C10orf88: variants seen among roughly 807,000 people sequenced by gnomAD.
C10orf88 encodes ATPase PAAT.
In C10orf88, 29 loss-of-function variants were observed where a neutral mutation model predicts 34.2. The ratio of observed to expected loss-of-function variants is 0.85; its 90% CI spans 0.63 to 1.16. The LOEUF (loss-of-function observed/expected upper bound fraction) is 1.16, where lower values mean the gene tolerates loss of function less well. Among genes scored for constraint, C10orf88 ranks in the 50% most tolerant of loss-of-function variants. The pLI, the probability that C10orf88 is intolerant of heterozygous loss-of-function variation, is 0.00. For missense variants in C10orf88, 507 were observed against 533.2 expected, an observed-to-expected ratio of 0.95 and a Z score of 0.48; for synonymous variants, 194 against 197.4, an observed-to-expected ratio of 0.98 and a Z score of 0.15.
chr10:122,936,696 C>T (rs1453779833), intron 5 of C10orf88, among the ~76,000 whole-genome samples: 1 of 151,802 alleles, frequency 6.6e-6, no homozygotes, highest in African/African-American at 2.4e-5. Context: ...TATTTTCATT[C>T]ATTTCTGTGT....
intron 4 of C10orf88, among the ~76,000 whole-genome samples, chr10:122,946,635 A>G (rs910131867): frequency 6.6e-6 from 1 of 152,200 alleles, no homozygotes; most frequent in Non-Finnish European, 1.5e-5. Flanking sequence ...TTAGTGAGAT[A>G]AACATGCAAC....
intron 3 of C10orf88, among the ~76,000 whole-genome samples, chr10:122,950,673 G>T (rs1168261112): frequency 2.6e-5 from 4 of 152,086 alleles, no homozygotes; most frequent in African/African-American, 9.7e-5. Context: ...CTTATTGTCT[G>T]TCTTGCCCAC....
intron 3 of C10orf88, among the ~76,000 whole-genome samples, chr10:122,951,558 A>T (rs1848689584): frequency 6.6e-6 from 1 of 151,730 alleles, no homozygotes; most frequent in Non-Finnish European, 1.5e-5. Flanking sequence ...CGGGTGAAAA[A>T]TTTAAAAAAA....
chr10:122,933,813 G>A (rs897117213), intron 5 of C10orf88, among the ~76,000 whole-genome samples: 1 of 152,046 alleles, frequency 6.6e-6, no homozygotes, highest in East Asian at 1.9e-4. Flanking sequence ...ACATGATAAT[G>A]CAGCCAAAAG....
At position 122,932,220 on chromosome 10, in the gene C10orf88, A is replaced by C. The variant is rs1848489518; in HGVS notation, c.*207T>G. 2 of 429,810 alleles carry C rather than the reference A, an allele frequency of 4.7e-6. No individual in the cohort carries two copies. Among genetic ancestry groups the C allele is most frequent in the Non-Finnish European group, 8.3e-6 (2 of 242,356 alleles). The allele number at this position is 429,810 out of a possible 1,614,324, so 26.6% of individuals were successfully genotyped here. On this transcript the variant is annotated 3_prime_UTR_variant, in exon 6 of 6. Transcript: ENST00000481909. ...TAAGACTGAAAAATATCGTGAGCAA[A>C]AATAATTTGACTGTATCATATTAAC...
In C10orf88 at chr10:122,932,634, G is replaced by A; in HGVS notation, c.1131C>T (p.Tyr377=). 1 of 1,611,702 alleles carries A rather than the reference G, an allele frequency of 6.2e-7. No homozygotes were observed. Residue 377 remains tyrosine (Y), a synonymous_variant, in exon 6 of 6, where the codon TAC becomes TAT. Coordinates refer to ENST00000481909, the MANE Select transcript of C10orf88 (RefSeq NM_024942.4). ...VGMEEQSICS[Y]LEKILSKNME... ...TATTTTTAGAAAGAATCTTTTCCAA[G>A]TAGGAGCAAATAGATTGCTCTTCCA... is the stretch of plus-strand genomic sequence containing the variant.
chr10:122,941,550 C>T (rs1848581584), intron 4 of C10orf88, among the ~76,000 whole-genome samples: 2 of 152,080 alleles, frequency 1.3e-5, no homozygotes, highest in African/African-American at 4.8e-5. Flanking sequence ...TTGATTTGGT[C>T]ATGAAACATT....
rs1848482908 is a variant in C10orf88, at chr10:122,931,250, C to T, written c.*1177G>A. Reference sequence around the variant, plus strand: ...TTTTTAAAGTCGTTTGGTCAGCTATCGTGGTTGTAACCAGTCTCCTCTGGA... The same window carrying T: ...TTTTTAAAGTCGTTTGGTCAGCTATTGTGGTTGTAACCAGTCTCCTCTGGA... On this transcript the variant is annotated 3_prime_UTR_variant, in exon 6 of 6. Coordinates refer to ENST00000481909, the MANE Select transcript of C10orf88 (RefSeq NM_024942.4). 6.6e-6 allele frequency: 1 copy of T among 152,076 alleles called. No individual in the cohort carries two copies. The highest frequency in any genetic ancestry group is 2.4e-5 in the African/African-American group (1 of 41,394). The allele number at this position is 152,076 out of a possible 1,614,324, so 9.4% of individuals were successfully genotyped here.
chr10:122,935,317 G>A (rs533504232), intron 5 of C10orf88, among the ~76,000 whole-genome samples: 1 of 152,072 alleles, frequency 6.6e-6, no homozygotes, highest in African/African-American at 2.4e-5. Context: ...GTAATTTTGT[G>A]TTAATTTTTG....
intron 3 of C10orf88, among the ~76,000 whole-genome samples, chr10:122,949,736 T>G (rs1848673148): frequency 6.6e-6 from 1 of 152,226 alleles, no homozygotes; most frequent in African/African-American, 2.4e-5. Flanking sequence ...AAAGGAGAAC[T>G]GCTATATACC....
At chr10:122,936,087 G>A (rs1371331064) in intron 5 of C10orf88, among the ~76,000 whole-genome samples, 1 of 151,702 alleles carries the variant, frequency 6.6e-6, no homozygotes, top group African/African-American at 2.4e-5. Flanking sequence ...TCTGGGCCTG[G>A]ATATTTCTTT....
chr10:122,938,952 T>G (rs918035265), intron 4 of C10orf88, among the ~76,000 whole-genome samples: 1 of 151,964 alleles, frequency 6.6e-6, no homozygotes, highest in Non-Finnish European at 1.5e-5. Flanking sequence ...CACTCTAAAT[T>G]CAAAACATAA....
chr10:122,951,966 A>T lies in C10orf88; in HGVS notation c.429T>A (p.Ala143=), dbSNP rs1320980596. 6.5e-7 allele frequency: 1 copy of T among 1,546,212 alleles called. No homozygotes were observed. Among genetic ancestry groups the T allele is most frequent in the Non-Finnish European group, 8.9e-7 (1 of 1,126,070 alleles). ...KNLKLESSTH[A]CKIKLLSFGE... is the part of the protein sequence containing the mutation. Reference sequence around the variant, plus strand: ...ACTGACAACTTACCTTTATTTTACAAGCATGTGTGGAGGACTCCAATTTTA... The same window carrying T: ...ACTGACAACTTACCTTTATTTTACATGCATGTGTGGAGGACTCCAATTTTA... Residue 143 remains alanine (A), a synonymous_variant, in exon 3 of 6, where the codon GCT becomes GCA. Transcript: ENST00000481909.
At chr10:122,934,445 G>A (rs1281217989) in intron 5 of C10orf88, among the ~76,000 whole-genome samples, 1 of 152,084 alleles carries the variant, frequency 6.6e-6, no homozygotes, top group African/African-American at 2.4e-5. Flanking sequence ...CATACAGTAT[G>A]TGACCTTTTG....
intron 4 of C10orf88, among the ~76,000 whole-genome samples, chr10:122,941,663 G>C (rs1054513886): frequency 3.9e-5 from 6 of 152,042 alleles, no homozygotes; most frequent in African/African-American, 1.4e-4. Flanking sequence ...TAGAGAACCA[G>C]GTACATCCTG....
Position 122,954,156 on chromosome 10 carries a change from C to T in C10orf88, c.23G>A (p.Gly8Glu). METRTED[G>E]GLTRRPTLAS... ...CAGCGTGGGGCGGCGGGTGAGGCCC[C>T]CGTCCTCGGTCCGCGTCTCCATTCC... Residue 8 changes from glycine to glutamate, a missense_variant, in exon 1 of 6, where the codon GGG becomes GAG. Transcript: ENST00000481909. 1.9e-6 allele frequency: 3 copies of T among 1,578,346 alleles called. No individual in the cohort carries two copies. The highest frequency in any genetic ancestry group is 1.1e-5 in the South Asian group (1 of 87,116).
rs111800496 is a variant in C10orf88, at chr10:122,949,194, G to C, written c.442-339C>G. On this transcript the variant is annotated intron_variant, in intron 3 of 5. Coordinates refer to ENST00000481909, the MANE Select transcript of C10orf88 (RefSeq NM_024942.4). ...TGGAGAATGTGTTCTAAGACCTCCAGTGGCTCCCTGAAATTGCATATAGTA... is the reference window on the plus strand; with the variant it reads ...TGGAGAATGTGTTCTAAGACCTCCACTGGCTCCCTGAAATTGCATATAGTA... Among the ~76,000 whole-genome samples, 1,076 of 152,246 alleles carry C rather than the reference G, an allele frequency of 7.1e-3. 7 individuals carry two copies. Among genetic ancestry groups the C allele is most frequent in the African/African-American group, 0.018 (750 of 41,544 alleles).
rs554258576 is a variant in C10orf88 at position 122,937,509 on chromosome 10, T to C, written c.1103+196A>G. Among the ~76,000 whole-genome samples, 17 of 152,120 alleles carry C rather than the reference T, an allele frequency of 1.1e-4. No individual in the cohort carries two copies. The East Asian group carries it at 2.7e-3, about 24-fold the overall frequency. ...GGGAAGTGTGCAAAACCTCCAGTTA[T>C]AGGGACTTCTTTCAAAGTAATCCAT... On this transcript the variant is annotated intron_variant, in intron 5 of 5. Transcript: ENST00000481909.
chr10:122,952,345 T>C (rs1403155943), intron 2 of C10orf88, among the ~76,000 whole-genome samples: 3 of 152,320 alleles, frequency 2.0e-5, no homozygotes, highest in South Asian at 2.1e-4. Flanking sequence ...TAAAGACAGA[T>C]TGGAGAAAAA....
Sources: allele counts gnomAD v4.1 joint callset (sites outside exome capture counted in the v4.1 genomes callset), GRCh38; gene constraint gnomAD v4.1.1; transcripts MANE v1.5; gene names NCBI Gene and HGNC (gene_info 2026-07-23, HGNC 2026-07-21).